The following RBP4 variants were observed in gnomAD, a reference collection of about 807,000 sequenced individuals.
RBP4 encodes the protein retinol-binding protein 4.
A neutral mutation model predicts 26.2 loss-of-function variants in RBP4; 9 were observed. The observed-to-expected ratio is 0.34, with a 90% confidence interval of 0.21 to 0.60. RBP4 has a LOEUF of 0.60. Among genes scored for constraint, RBP4 ranks in the 20% least tolerant of loss-of-function variants. The pLI, the probability that RBP4 is intolerant of heterozygous loss-of-function variation, is 0.80. For missense variants in RBP4, 244 were observed against 271.3 expected (o/e 0.90, Z 0.71); for synonymous variants, 114 against 111.0 (o/e 1.03, Z -0.17).
intron 4 of RBP4, among the ~76,000 whole-genome samples, chr10:93,596,504 G>A (rs1296978800): frequency 1.3e-5 from 2 of 152,102 alleles, no homozygotes; most frequent in African/African-American, 4.8e-5. Flanking sequence ...AGCTGGGCAG[G>A]GCTCCTCTGG....
chr10:93,601,571 C>T (rs2058339927), upstream of RBP4: 2 of 680,446 alleles, frequency 2.9e-6, no homozygotes, highest in African/African-American at 3.6e-5. Context: ...CTCGAGTCAA[C>T]CTGGCGGGAA....
intron 3 of RBP4, 25 bp downstream of exon 3, chr10:93,600,642 C>A (rs758254462): frequency 1.2e-6 from 2 of 1,612,014 alleles, no homozygotes; most frequent in Non-Finnish European, 1.7e-6. Flanking sequence ...GCGCAAAGGG[C>A]GCAGCTGCCC....
chr10:93,593,433 G>A (rs748520509), intron 5 of RBP4, among the ~76,000 whole-genome samples: 7 of 152,108 alleles, frequency 4.6e-5, no homozygotes, highest in Non-Finnish European at 8.8e-5. Flanking sequence ...GAGTTTTTAC[G>A]TCAATGGCCA....
rs2134565334 is a variant in RBP4, at chr10:93,592,048, T to C, written c.*27A>G. On this transcript the variant is annotated 3_prime_UTR_variant, in exon 6 of 6. Coordinates refer to ENST00000371464, the MANE Select transcript of RBP4 (RefSeq NM_006744.4). Reference sequence around the variant, plus strand: ...AAGACTGAGAGCTAATCAGAAGTTCTCAGATGAAACTAGATTCTTGATATT... The same window carrying C: ...AAGACTGAGAGCTAATCAGAAGTTCCCAGATGAAACTAGATTCTTGATATT... The C allele has an allele frequency of 6.3e-7, 1 of 1,598,240 alleles. No homozygotes were observed. The highest frequency in any genetic ancestry group is 2.2e-5 in the East Asian group (1 of 44,780).
At chr10:93,593,798 A>T in intron 5 of RBP4, 25 bp downstream of exon 5, 1 of 1,609,708 alleles carries the variant, frequency 6.2e-7, no homozygotes. Context: ...AGGAAGAGCC[A>T]GAAGGCACCC....
chr10:93,593,320 G>A (rs1007832546), intron 5 of RBP4, among the ~76,000 whole-genome samples: 1 of 152,114 alleles, frequency 6.6e-6, no homozygotes, highest in African/African-American at 2.4e-5. Flanking sequence ...CCCAACTGAG[G>A]AAACCCAGCT....
Position 93,593,811 on chromosome 10 carries a change from C to T in RBP4, c.568+12G>A. 2 of 1,611,114 alleles carry T rather than the reference C, an allele frequency of 1.2e-6. No homozygotes were observed. The highest frequency in any genetic ancestry group is 1.7e-6 in the Non-Finnish European group (2 of 1,179,806). The stretch of plus-strand genomic sequence containing the variant: ...GCAGGAAGAGCCAGAAGGCACCCTG[C>T]TCCTGACTCACCGTTGTGGACGATC... On this transcript the variant is annotated intron_variant, in intron 5 of 5. Coordinates refer to ENST00000371464, the MANE Select transcript of RBP4 (RefSeq NM_006744.4).
At chr10:93,594,369 C>T (rs1026571746) in intron 4 of RBP4, among the ~76,000 whole-genome samples, 6 of 152,058 alleles carry the variant, frequency 3.9e-5, no homozygotes, top group Non-Finnish European at 8.8e-5. Context: ...CAGAATAAAC[C>T]GTTCTACTGT....
chr10:93,592,110 A>G lies in RBP4; in HGVS notation c.571T>C (p.Tyr191His). 6.2e-7 allele frequency: 1 copy of G among 1,614,120 alleles called. No homozygotes were observed. Among genetic ancestry groups the G allele is most frequent in the Non-Finnish European group, 8.5e-7 (1 of 1,179,948 alleles). The change falls in exon 6 of 6, where the codon TAC (tyrosine) becomes CAC (histidine). Residue 191 changes from tyrosine (Y) to histidine (H), a missense_variant and splice_region_variant. Transcript: ENST00000371464. ...TTTCTTTCTGATCTGCCATCGCAGTAACCTGGAAAATACAAAACAAAGCCA... is the reference window on the plus strand; with the variant it reads ...TTTCTTTCTGATCTGCCATCGCAGTGACCTGGAAAATACAAAACAAAGCCA... ...RQYRLIVHNG[Y>H]CDGRSERNLL
At chr10:93,601,474 G>T (rs1589687611), upstream of RBP4, 3 of 924,414 alleles carry the variant, frequency 3.2e-6, no homozygotes, top group East Asian at 5.7e-5. Flanking sequence ...TGCGCCAGCG[G>T]CCCTGGCTCA....
Position 93,593,804 on chromosome 10 carries a change from C to T in RBP4, c.568+19G>A, listed in dbSNP as rs2058282748. ...CTGCCCTGCAGGAAGAGCCAGAAGG[C>T]ACCCTGCTCCTGACTCACCGTTGTG... On this transcript the variant is annotated intron_variant, in intron 5 of 5. Transcript: ENST00000371464. 4 of 1,609,966 alleles carry T rather than the reference C, an allele frequency of 2.5e-6. No individual in the cohort carries two copies. The highest frequency in any genetic ancestry group is 3.4e-6 in the Non-Finnish European group (4 of 1,179,152).
intron 5 of RBP4, among the ~76,000 whole-genome samples, chr10:93,592,573 A>G (rs1422938549): frequency 6.6e-6 from 1 of 152,110 alleles, no homozygotes; most frequent in Non-Finnish European, 1.5e-5. Flanking sequence ...TTTGCATCCA[A>G]CTCAGCTACC....
At chr10:93,597,706 C>G (rs113639456) in intron 4 of RBP4, among the ~76,000 whole-genome samples, 3 of 152,246 alleles carry the variant, frequency 2.0e-5, no homozygotes, top group African/African-American at 7.2e-5. Flanking sequence ...TAAAATAATT[C>G]GACAACAAAT....
At chr10:93,593,692 A>G in intron 5 of RBP4, 131 bp downstream of exon 5, 1 of 1,066,500 alleles carries the variant, frequency 9.4e-7, no homozygotes, top group Admixed American at 1.9e-5. Context: ...ATTTGGCCTC[A>G]GAAAGGGGCT....
intron 4 of RBP4, among the ~76,000 whole-genome samples, chr10:93,595,443 G>C (rs1490618713): frequency 6.6e-6 from 1 of 152,180 alleles, no homozygotes; most frequent in Admixed American, 6.5e-5. Flanking sequence ...GTCACAAAGA[G>C]CAGGGCAGAA....
chr10:93,600,337 A>C (rs1265875987), intron 4 of RBP4, 56 bp downstream of exon 4: 3 of 1,480,672 alleles, frequency 2.0e-6, no homozygotes, highest in Non-Finnish European at 2.8e-6. Context: ...AAACCCAGCG[A>C]TTTGGCCCGG....
In RBP4 at chr10:93,592,075, C is replaced by T. The variant is rs1345826175; in HGVS notation, c.606G>A (p.Ter202=). Residue 202 remains the stop codon, a stop_retained_variant, in exon 6 of 6, where the codon TAG becomes TAA. Coordinates refer to ENST00000371464, the MANE Select transcript of RBP4 (RefSeq NM_006744.4). The part of the protein sequence containing the change: ...CDGRSERNLL[*] ...AGATGAAACTAGATTCTTGATATTG[C>T]TACAAAAGGTTTCTTTCTGATCTGC... 1 of 1,613,412 alleles carries T rather than the reference C, an allele frequency of 6.2e-7. No individual in the cohort carries two copies. Among genetic ancestry groups the T allele is most frequent in the South Asian group, 1.1e-5 (1 of 91,064 alleles).
chr10:93,601,509 C>T, upstream of RBP4: 1 of 700,220 alleles, frequency 1.4e-6, no homozygotes, highest in Non-Finnish European at 2.3e-6. Flanking sequence ...GTGCCAGCGG[C>T]CGCCAGCTGC....
chr10:93,601,432 C>T, upstream of RBP4: 1 of 1,222,598 alleles, frequency 8.2e-7, no homozygotes, highest in Non-Finnish European at 1.1e-6. Flanking sequence ...CACAGTGGAG[C>T]GGCCGCGCGG....
Sources: allele counts gnomAD v4.1 joint callset (sites outside exome capture counted in the v4.1 genomes callset), GRCh38; gene constraint gnomAD v4.1.1; transcripts MANE v1.5; gene names NCBI Gene and HGNC (gene_info 2026-07-23, HGNC 2026-07-21).